The following AP3B1 variants were observed in gnomAD, a reference collection of about 807,000 sequenced individuals.
AP3B1 encodes the protein adaptor related protein complex 3 subunit beta 1.
A neutral mutation model predicts 132.5 loss-of-function variants in AP3B1; 61 were observed. The observed-to-expected ratio is 0.46, with a 90% CI of 0.37 to 0.57. The LOEUF (loss-of-function observed/expected upper bound fraction) is 0.57, where lower values mean the gene tolerates loss of function less well. Among genes scored for constraint, AP3B1 ranks in the 20% least tolerant of loss-of-function variants. The pLI, the probability that AP3B1 is intolerant of heterozygous loss-of-function variation, is 0.00. For missense variants in AP3B1, 1,120 were observed against 1,289.4 expected (o/e 0.87, Z 2.01); for synonymous variants, 388 against 438.3 (o/e 0.89, Z 1.43).
chr5:78,158,086 C>T (rs1053408102), intron 13 of AP3B1, among the ~76,000 whole-genome samples: 4 of 152,050 alleles, frequency 2.6e-5, no homozygotes, highest in Admixed American at 6.5e-5. Context: ...TATAAAGCTC[C>T]GTTTAAGAAT....
chr5:78,129,110 T>C lies in AP3B1; in HGVS notation c.1837+11A>G. 6.2e-7 allele frequency: 1 copy of C among 1,607,130 alleles called. No individual in the cohort carries two copies. The highest frequency in any genetic ancestry group is 8.5e-7 in the Non-Finnish European group (1 of 1,176,462). On this transcript the variant is annotated intron_variant, in intron 16 of 26. Transcript: ENST00000255194. ...GATAACATATATTTTGGAGTTATAT[T>C]CTGATAATACCTTTAAAAGGAGACT... is the stretch of plus-strand genomic sequence containing the variant.
intron 15 of AP3B1, 127 bp from the exon 16 acceptor site, chr5:78,129,434 A>G: frequency 2.4e-6 from 2 of 839,168 alleles, no homozygotes; most frequent in Non-Finnish European, 1.9e-6. Flanking sequence ...TCCATAGGGA[A>G]TACACATTTC....
intron 1 of AP3B1, among the ~76,000 whole-genome samples, chr5:78,284,121 C>A (rs1464680994): frequency 6.6e-6 from 1 of 152,122 alleles, no homozygotes; most frequent in African/African-American, 2.4e-5. Flanking sequence ...TCTGCATTAT[C>A]CATTATAGTA....
intron 11 of AP3B1, among the ~76,000 whole-genome samples, chr5:78,171,179 C>A (rs1743898280): frequency 6.6e-6 from 1 of 152,138 alleles, no homozygotes; most frequent in African/African-American, 2.4e-5. Context: ...ATGCCTCCAG[C>A]TTTGTTCTTT....
chr5:78,125,793 C>T (rs1561425158), intron 17 of AP3B1, among the ~76,000 whole-genome samples: 1 of 152,104 alleles, frequency 6.6e-6, no homozygotes, highest in Admixed American at 6.5e-5. Context: ...TAATTTGTCT[C>T]TGTTGAATTG....
intron 2 of AP3B1, among the ~76,000 whole-genome samples, chr5:78,245,253 T>A (rs753865198): frequency 6.6e-6 from 1 of 152,194 alleles, no homozygotes; most frequent in Non-Finnish European, 1.5e-5. Flanking sequence ...CAATGCGTAA[T>A]AGGCGTAATC....
chr5:78,193,740 T>TATATATATATATCTATATA (rs1561469382), intron 7 of AP3B1, among the ~76,000 whole-genome samples: 8 of 41,702 alleles, frequency 1.9e-4, no homozygotes, highest in East Asian at 1.8e-3. Flanking sequence ...TTGTATATAT[T>TATATATATATATCTATATA]TTTTTATATA....
intron 2 of AP3B1, among the ~76,000 whole-genome samples, chr5:78,261,452 GTTT>G (rs1748087172): frequency 6.6e-6 from 1 of 151,764 alleles, no homozygotes; most frequent in African/African-American, 2.4e-5. Context: ...CATTTGGTCG[GTTT>G]TTGTTGTTGT....
intron 16 of AP3B1, among the ~76,000 whole-genome samples, chr5:78,128,455 A>T (rs1197055432): frequency 6.6e-6 from 1 of 152,170 alleles, no homozygotes; most frequent in Non-Finnish European, 1.5e-5. Context: ...GCACAGTTAA[A>T]CAATCCATAT....
At chr5:78,225,815 A>G (rs1284486735) in intron 5 of AP3B1, among the ~76,000 whole-genome samples, 1 of 152,004 alleles carries the variant, frequency 6.6e-6, no homozygotes, top group Non-Finnish European at 1.5e-5. Context: ...CATATTAACT[A>G]AACCAGATAT....
At chr5:78,193,425 G>A (rs543318460) in intron 7 of AP3B1, among the ~76,000 whole-genome samples, 1 of 151,934 alleles carries the variant, frequency 6.6e-6, no homozygotes, top group Non-Finnish European at 1.5e-5. Context: ...TAAGGAAAAT[G>A]TTTAGTCTGC....
At chr5:78,243,477 C>T (rs1264320079) in intron 2 of AP3B1, among the ~76,000 whole-genome samples, 1 of 152,172 alleles carries the variant, frequency 6.6e-6, no homozygotes, top group African/African-American at 2.4e-5. Flanking sequence ...CATCCTAGGC[C>T]TTAGGGATCC....
At chr5:78,265,831 T>C (rs1482627167) in intron 2 of AP3B1, among the ~76,000 whole-genome samples, 1 of 152,240 alleles carries the variant, frequency 6.6e-6, no homozygotes, top group African/African-American at 2.4e-5. Flanking sequence ...GCTACTTCTG[T>C]ATAACTTCAT....
chr5:78,041,101 C>A (rs1209909998), intron 22 of AP3B1, among the ~76,000 whole-genome samples: 1 of 151,786 alleles, frequency 6.6e-6, no homozygotes, highest in African/African-American at 2.4e-5. Flanking sequence ...ATGGAGAAAC[C>A]CTGTCTCTAC....
chr5:78,100,007 C>T (rs921556504), intron 21 of AP3B1, among the ~76,000 whole-genome samples: 1 of 152,178 alleles, frequency 6.6e-6, no homozygotes, highest in Non-Finnish European at 1.5e-5. Flanking sequence ...ACATGTACTT[C>T]TGTTTCTCCA....
At chr5:78,067,381 G>A (rs1232851835) in intron 22 of AP3B1, among the ~76,000 whole-genome samples, 2 of 152,138 alleles carry the variant, frequency 1.3e-5, no homozygotes, top group East Asian at 3.9e-4. Context: ...AATTTAAGAA[G>A]ATAATTCAGA....
chr5:78,097,288 G>A (rs1750884974), intron 21 of AP3B1, among the ~76,000 whole-genome samples: 1 of 138,498 alleles, frequency 7.2e-6, no homozygotes, highest in Non-Finnish European at 1.6e-5. Context: ...GGGAGGTGGG[G>A]GGGTCAGCCC....
At chr5:78,146,800 T>C (rs1753418468) in intron 14 of AP3B1, among the ~76,000 whole-genome samples, 1 of 152,186 alleles carries the variant, frequency 6.6e-6, no homozygotes, top group African/African-American at 2.4e-5. Context: ...GCATTTCTTC[T>C]TTAAATGCAT....
chr5:78,025,913 T>C (rs1222291376), intron 24 of AP3B1, among the ~76,000 whole-genome samples: 1 of 152,254 alleles, frequency 6.6e-6, no homozygotes, highest in Non-Finnish European at 1.5e-5. Context: ...AAGCAAGGCG[T>C]GGCTTATAAT....
Sources: allele counts gnomAD v4.1 joint callset (sites outside exome capture counted in the v4.1 genomes callset), GRCh38; gene constraint gnomAD v4.1.1; transcripts MANE v1.5; gene names NCBI Gene and HGNC (gene_info 2026-07-23, HGNC 2026-07-21).